The following BRI3BP variants were observed in gnomAD, a reference collection of about 807,000 sequenced individuals.
BRI3BP encodes the protein BRI3 binding protein, also known as BRI3-binding protein.
A neutral mutation model predicts 15.8 loss-of-function variants in BRI3BP; 7 were observed. The ratio of observed to expected loss-of-function variants is 0.44; its 90% CI spans 0.25 to 0.83. BRI3BP has a LOEUF of 0.83. Ranked by LOEUF, BRI3BP falls within the 40% of genes least tolerant of loss-of-function variation. The pLI, the probability that BRI3BP is intolerant of heterozygous loss-of-function variation, is 0.20. For missense variants in BRI3BP, 320 were observed against 339.3 expected (o/e 0.94, Z 0.45); for synonymous variants, 192 against 163.5 (o/e 1.17, Z -1.33).
downstream of BRI3BP, among the ~76,000 whole-genome samples, chr12:125,033,371 G>A (rs1406225848): frequency 3.3e-5 from 5 of 152,114 alleles, no homozygotes; most frequent in African/African-American, 1.2e-4. Flanking sequence ...CAACCTGGGC[G>A]ACGGAGTGAG....
intron 2 of BRI3BP, among the ~76,000 whole-genome samples, chr12:125,018,765 C>T (rs1435416337): frequency 2.6e-5 from 4 of 151,764 alleles, no homozygotes; most frequent in African/African-American, 4.8e-5. Flanking sequence ...CTGCAGCCTC[C>T]GCCTCCTGAG....
chr12:125,049,680 T>C, the BRI3BP span, among the ~76,000 whole-genome samples: 5 of 152,288 alleles, frequency 3.3e-5, no homozygotes, highest in Admixed American at 1.3e-4. Flanking sequence ...TTCTTCAGGA[T>C]TGGCTGGGAG....
In BRI3BP at chr12:125,030,001, G is replaced by C. The variant is rs567307277; in HGVS notation, c.*4571G>C. 3 of 152,224 alleles carry C rather than the reference G, an allele frequency of 2.0e-5. No homozygotes were observed. Among genetic ancestry groups the C allele is most frequent in the Admixed American group, 6.5e-5 (1 of 15,280 alleles). 9.4% of individuals were successfully genotyped at this position (152,224 alleles called of 1,614,324 possible). On this transcript the variant is annotated 3_prime_UTR_variant, in exon 3 of 3. Coordinates refer to ENST00000341446, the MANE Select transcript of BRI3BP (RefSeq NM_080626.6). ...TAGAGAGGATGTGAGCAGCTTAGTC[G>C]CTCATCTGGCCCTGTGATTCAGGCT... is the stretch of plus-strand genomic sequence containing the variant.
intron 1 of BRI3BP, among the ~76,000 whole-genome samples, chr12:125,002,465 T>G (rs558503774): frequency 1.5e-4 from 22 of 150,936 alleles, no homozygotes; most frequent in African/African-American, 4.9e-4. Flanking sequence ...TGTTTTGTTT[T>G]TTTTTTTTTT....
downstream of BRI3BP, among the ~76,000 whole-genome samples, chr12:125,033,088 T>C (rs1175616223): frequency 6.6e-6 from 1 of 152,074 alleles, no homozygotes; most frequent in Non-Finnish European, 1.5e-5. Flanking sequence ...GAAGGAAAAA[T>C]AGAATCTCGG....
rs572498431 is a variant in BRI3BP, at chr12:125,030,129, A to G, written c.*4699A>G. 2.5e-4 allele frequency: 38 copies of G among 152,324 alleles called. No homozygotes were observed. The highest frequency in any genetic ancestry group is 9.1e-4 in the African/African-American group (38 of 41,570). The allele number at this position is 152,324 out of a possible 1,614,324, so 9.4% of individuals were successfully genotyped here. On this transcript the variant is annotated 3_prime_UTR_variant, in exon 3 of 3. Coordinates refer to ENST00000341446, the MANE Select transcript of BRI3BP (RefSeq NM_080626.6). ...TTGCTTCCTTTCTGTGATCACTGCT[A>G]CTTCTTAAGATGCTTTTGATGAATG...
intron 2 of BRI3BP, 53 bp downstream of exon 2, chr12:125,012,689 C>T (rs1210452528): frequency 2.1e-6 from 3 of 1,403,538 alleles, no homozygotes; most frequent in East Asian, 2.3e-5. Context: ...TGGTGGTTCT[C>T]ATAGTGTGGA....
At chr12:124,999,774 T>G (rs12827519) in intron 1 of BRI3BP, among the ~76,000 whole-genome samples, 1 of 147,572 alleles carries the variant, frequency 6.8e-6, no homozygotes, top group Non-Finnish European at 1.5e-5. Context: ...CCTGCCACCA[T>G]GCCCAGCTAA....
chr12:124,999,532 T>C (rs1226129271), intron 1 of BRI3BP, among the ~76,000 whole-genome samples: 1 of 152,098 alleles, frequency 6.6e-6, no homozygotes, highest in Non-Finnish European at 1.5e-5. Context: ...CAAATGATCC[T>C]CCTGCATCAG....
At chr12:124,997,277 G>A (rs1305558407) in intron 1 of BRI3BP, among the ~76,000 whole-genome samples, 4 of 131,474 alleles carry the variant, frequency 3.0e-5, no homozygotes, top group South Asian at 2.5e-4. Context: ...GTGCAATGGC[G>A]AGCTCTCGGC....
intron 2 of BRI3BP, among the ~76,000 whole-genome samples, chr12:125,016,739 G>A (rs1446734875): frequency 6.6e-6 from 1 of 151,158 alleles, no homozygotes; most frequent in Non-Finnish European, 1.5e-5. Context: ...TGTTGGCCAG[G>A]CTGGTCTTGA....
At chr12:125,046,926 CA>C in the BRI3BP span, among the ~76,000 whole-genome samples, 1 of 152,146 alleles carries the variant, frequency 6.6e-6, no homozygotes, top group Non-Finnish European at 1.5e-5. Context: ...TTTGAAAGCA[CA>C]CAGTATTCAC....
the BRI3BP span, among the ~76,000 whole-genome samples, chr12:125,046,412 G>A: frequency 6.6e-6 from 1 of 151,988 alleles, no homozygotes; most frequent in Non-Finnish European, 1.5e-5. Flanking sequence ...AAATTAGCCG[G>A]GTCTGGTGGC....
chr12:124,997,561 T>C (rs185531509), intron 1 of BRI3BP, among the ~76,000 whole-genome samples: 92 of 152,162 alleles, frequency 6.0e-4, no homozygotes, highest in African/African-American at 2.1e-3. Context: ...AGGAGATAAA[T>C]TGGGGAATTA....
At chr12:125,016,196 T>C (rs997682647) in intron 2 of BRI3BP, among the ~76,000 whole-genome samples, 50 of 152,132 alleles carry the variant, frequency 3.3e-4, no homozygotes, top group African/African-American at 1.2e-3. Context: ...CTAGTTCTGT[T>C]TGATGCGTAA....
At chr12:125,040,540 T>C in the BRI3BP span, among the ~76,000 whole-genome samples, 1 of 150,396 alleles carries the variant, frequency 6.6e-6, no homozygotes, top group Non-Finnish European at 1.5e-5. Flanking sequence ...GACCGGTTTC[T>C]CCATGTTGGT....
At chr12:125,041,784 C>A in the BRI3BP span, among the ~76,000 whole-genome samples, 19 of 152,332 alleles carry the variant, frequency 1.2e-4, no homozygotes, top group African/African-American at 4.1e-4. Context: ...GTGGCTTCGA[C>A]TTCTTGGGCT....
intron 1 of BRI3BP, among the ~76,000 whole-genome samples, chr12:125,000,016 C>CTTTTTTTTTTTTTTTT (rs66571863): frequency 2.5e-5 from 1 of 40,692 alleles, no homozygotes; most frequent in Non-Finnish European, 4.3e-5. Context: ...TTTGGTTTTT[C>CTTTTTTTTTTTTTTTT]TTTTTTTTTT....
chr12:125,047,660 G>A, the BRI3BP span, among the ~76,000 whole-genome samples: 8 of 152,046 alleles, frequency 5.3e-5, no homozygotes, highest in African/African-American at 1.2e-4. Context: ...ACAGGCATAA[G>A]CCACCATGCC....
Sources: allele counts gnomAD v4.1 joint callset (sites outside exome capture counted in the v4.1 genomes callset), GRCh38; gene constraint gnomAD v4.1.1; transcripts MANE v1.5; gene names NCBI Gene and HGNC (gene_info 2026-07-23, HGNC 2026-07-21).